The following GALNT17 variants were observed in gnomAD, a reference collection of about 807,000 sequenced individuals.
GALNT17 encodes polypeptide N-acetylgalactosaminyltransferase 17, also known as UDP-GalNAc:polypeptide N-acetylgalactosaminyltransferase-like 3.
In GALNT17, 29 loss-of-function variants were observed where a neutral mutation model predicts 63.7. The ratio of observed to expected loss-of-function variants is 0.46; its 90% CI spans 0.34 to 0.62. The LOEUF (loss-of-function observed/expected upper bound fraction) is 0.62. Among genes scored for constraint, GALNT17 ranks in the 20% least tolerant of loss-of-function variants. GALNT17 has a pLI of 0.01. For missense variants in GALNT17, 603 were observed against 799.6 expected, an observed-to-expected ratio of 0.75 and a Z score of 2.97; for synonymous variants, 305 against 318.3, an observed-to-expected ratio of 0.96 and a Z score of 0.45.
At chr7:71,512,120 A>G (rs1788367070) in intron 5 of GALNT17, among the ~76,000 whole-genome samples, 1 of 148,404 alleles carries the variant, frequency 6.7e-6, no homozygotes, top group Non-Finnish European at 1.5e-5. Context: ...CTCCCGCCTC[A>G]GCCTCCCAAG....
chr7:71,264,819 G>C (rs200491472), intron 1 of GALNT17, among the ~76,000 whole-genome samples: 1 of 151,950 alleles, frequency 6.6e-6, no homozygotes, highest in Non-Finnish European at 1.5e-5. Flanking sequence ...GATACCAGAG[G>C]CTGGGAAGGG....
chr7:71,540,786 G>A (rs1439655861), intron 5 of GALNT17, among the ~76,000 whole-genome samples: 1 of 152,108 alleles, frequency 6.6e-6, no homozygotes, highest in African/African-American at 2.4e-5. Flanking sequence ...GATTCAAACT[G>A]CCCCTGATGA....
chr7:71,162,046 CCCTT>C (rs546213955), intron 1 of GALNT17, among the ~76,000 whole-genome samples: 179 of 122,552 alleles, frequency 1.5e-3, no homozygotes, highest in African/African-American at 5.4e-3. Context: ...CTCCCTCCCT[CCCTT>C]CCTCCCTTTC....
intron 5 of GALNT17, among the ~76,000 whole-genome samples, chr7:71,453,494 T>G (rs1336187576): frequency 1.3e-5 from 2 of 152,120 alleles, no homozygotes; most frequent in Admixed American, 6.6e-5. Flanking sequence ...TATAAAACCA[T>G]CAGATCTCAT....
chr7:71,351,425 G>C (rs530604645), intron 2 of GALNT17, among the ~76,000 whole-genome samples: 3 of 152,120 alleles, frequency 2.0e-5, no homozygotes, highest in South Asian at 4.1e-4. Flanking sequence ...GGAACCTCAG[G>C]TCACCTTATG....
intron 1 of GALNT17, among the ~76,000 whole-genome samples, chr7:71,253,350 A>C (rs986840126): frequency 3.3e-5 from 5 of 152,128 alleles, no homozygotes; most frequent in Admixed American, 6.5e-5. Context: ...AAACCATCAG[A>C]TCTCATGAGG....
At chr7:71,206,962 T>C (rs983743087) in intron 1 of GALNT17, among the ~76,000 whole-genome samples, 5 of 151,942 alleles carry the variant, frequency 3.3e-5, no homozygotes, top group African/African-American at 9.7e-5. Context: ...AAAAAATAGC[T>C]GGGCGTGGTG....
chr7:71,330,545 A>C (rs1791790742), intron 1 of GALNT17, among the ~76,000 whole-genome samples: 2 of 152,250 alleles, frequency 1.3e-5, no homozygotes, highest in African/African-American at 4.8e-5. Flanking sequence ...CTATAGGCAC[A>C]GGCCACCACA....
chr7:71,216,046 AAATAAT>A (rs1554339811), intron 1 of GALNT17, among the ~76,000 whole-genome samples: 4 of 114,346 alleles, frequency 3.5e-5, no homozygotes, highest in African/African-American at 1.1e-4. Flanking sequence ...TTGTCTCCAT[AAATAAT>A]AATAATAATA....
At chr7:71,309,056 C>G (rs1162345316) in intron 1 of GALNT17, among the ~76,000 whole-genome samples, 1 of 152,094 alleles carries the variant, frequency 6.6e-6, no homozygotes, top group Non-Finnish European at 1.5e-5. Context: ...TTTCTTTTTA[C>G]TCTCTATCCA....
At chr7:71,169,409 C>T (rs1788504409) in intron 1 of GALNT17, among the ~76,000 whole-genome samples, 1 of 152,124 alleles carries the variant, frequency 6.6e-6, no homozygotes, top group South Asian at 2.1e-4. Context: ...TAGCCAGTGT[C>T]TTCAGAAGTG....
intron 5 of GALNT17, among the ~76,000 whole-genome samples, chr7:71,482,932 C>A (rs552534087): frequency 6.6e-6 from 1 of 152,246 alleles, no homozygotes; most frequent in South Asian, 2.1e-4. Flanking sequence ...GCTGATCTGA[C>A]AGGAGGCAGA....
chr7:71,431,066 G>C (rs1346902725), intron 5 of GALNT17, among the ~76,000 whole-genome samples: 1 of 152,080 alleles, frequency 6.6e-6, no homozygotes, highest in East Asian at 1.9e-4. Flanking sequence ...GGGAATTTTT[G>C]CCATTGGAGT....
intron 1 of GALNT17, among the ~76,000 whole-genome samples, chr7:71,286,557 A>G (rs949079786): frequency 6.6e-6 from 1 of 150,664 alleles, no homozygotes; most frequent in African/African-American, 2.5e-5. Flanking sequence ...GGCTTTTTCC[A>G]TCTGCCTCTC....
intron 1 of GALNT17, among the ~76,000 whole-genome samples, chr7:71,260,888 G>A (rs1486130386): frequency 6.6e-6 from 1 of 152,186 alleles, no homozygotes; most frequent in East Asian, 1.9e-4. Flanking sequence ...ATAGGCATGA[G>A]CCTCTGTGCC....
At chr7:71,339,741 C>T (rs533371552) in intron 2 of GALNT17, among the ~76,000 whole-genome samples, 147 of 151,348 alleles carry the variant, frequency 9.7e-4, no homozygotes, top group African/African-American at 3.4e-3. Flanking sequence ...GTGGACCAGG[C>T]GGGAGAACAA....
intron 5 of GALNT17, among the ~76,000 whole-genome samples, chr7:71,566,166 C>T (rs1017745118): frequency 7.2e-5 from 11 of 152,038 alleles, no homozygotes; most frequent in Admixed American, 5.2e-4. Context: ...TGAGCCACAC[C>T]ACACCTGGCC....
rs781167753 is a variant in GALNT17 at position 71,337,869 on chromosome 7, GAACA to G, written c.422+2158_422+2161del. Among the ~76,000 whole-genome samples the G allele has an allele frequency of 4.7e-3, 707 of 151,382 alleles. 1 individual carries two copies. Among genetic ancestry groups the G allele is most frequent in the African/African-American group, 0.014 (591 of 41,244 alleles). On this transcript the variant is annotated intron_variant, in intron 2 of 10. Coordinates refer to ENST00000333538, the MANE Select transcript of GALNT17 (RefSeq NM_022479.3). ...GGTGACAGAGCGAAACTCCATCTCA[GAACA>G]AACAAACAAACAAACAAACAACAAC...
intron 1 of GALNT17, among the ~76,000 whole-genome samples, chr7:71,199,648 CCCAT>C (rs1295959402): frequency 1.5e-5 from 2 of 133,944 alleles, no homozygotes; most frequent in South Asian, 2.7e-4. Flanking sequence ...CACCGACCCA[CCCAT>C]CCATCTGTCC....
Sources: allele counts gnomAD v4.1 joint callset (sites outside exome capture counted in the v4.1 genomes callset), GRCh38; gene constraint gnomAD v4.1.1; transcripts MANE v1.5; gene names NCBI Gene and HGNC (gene_info 2026-07-23, HGNC 2026-07-21).